Variants in FRAS1 observed in about 807,000 individuals in gnomAD.
The protein encoded by FRAS1 is Fraser extracellular matrix complex subunit 1.
Under a neutral mutation model 435.2 loss-of-function variants are expected in FRAS1, and 290 were observed. That is an observed-to-expected ratio of 0.67 (90% CI 0.61 to 0.73). FRAS1 has a LOEUF of 0.73. FRAS1 is among the 30% of genes least tolerant of loss of function. The pLI, the probability that FRAS1 is intolerant of heterozygous loss-of-function variation, is 0.00. For missense variants in FRAS1, 4,860 were observed against 5,001.5 expected (o/e 0.97, Z 0.85); for synonymous variants, 1,800 against 1,851.0 (o/e 0.97, Z 0.71).
At chr4:78,287,129 G>A (rs189459112) in intron 14 of FRAS1, among the ~76,000 whole-genome samples, 47 of 151,960 alleles carry the variant, frequency 3.1e-4, no homozygotes, top group African/African-American at 4.1e-4. Flanking sequence ...AGCAAGATAC[G>A]TCTTACATGG....
chr4:78,509,622 A>G (rs1473503321), intron 63 of FRAS1, among the ~76,000 whole-genome samples: 1 of 152,232 alleles, frequency 6.6e-6, no homozygotes, highest in Non-Finnish European at 1.5e-5. Context: ...ACATTTGTGC[A>G]GCAGTTGCTG....
chr4:78,512,434 G>C (rs1721069414), intron 64 of FRAS1, among the ~76,000 whole-genome samples: 1 of 152,116 alleles, frequency 6.6e-6, no homozygotes, highest in Non-Finnish European at 1.5e-5. Context: ...ACTTAAAAAT[G>C]TGACTCTTTG....
At position 78,407,670 on chromosome 4, in the gene FRAS1, G is replaced by A; in HGVS notation, c.4137G>A (p.Val1379=). 6.2e-7 allele frequency: 1 copy of A among 1,611,280 alleles called. No individual in the cohort carries two copies. Residue 1379 remains valine, a synonymous_variant, in exon 31 of 74, where the codon GTG becomes GTA. Transcript: ENST00000512123. ...TGGCCTGTGCCTTCCTAGGGGAGGTGGTCCTTCTAGTGAATATGCCTGCAG... is the reference window on the plus strand; with the variant it reads ...TGGCCTGTGCCTTCCTAGGGGAGGTAGTCCTTCTAGTGAATATGCCTGCAG... ...ITQDYPQFGE[V]VLLVNMPADS... is the part of the protein sequence containing the mutation.
At chr4:78,532,730 G>A (rs546612470) in intron 70 of FRAS1, among the ~76,000 whole-genome samples, 2 of 152,182 alleles carry the variant, frequency 1.3e-5, no homozygotes, top group Admixed American at 6.5e-5. Flanking sequence ...AAGTGAAATT[G>A]TGCAGTATTT....
rs530092361 is a variant in FRAS1 at position 78,178,863 on chromosome 4, A to G, written c.109-58647A>G. On this transcript the variant is annotated intron_variant, in intron 2 of 73. Transcript: ENST00000512123. Reference sequence around the variant, plus strand: ...GATTATTTTGGGCTTCAAATAGGATACTGTATGTGGAGTACCTACATAGGG... The same window carrying G: ...GATTATTTTGGGCTTCAAATAGGATGCTGTATGTGGAGTACCTACATAGGG... Among the ~76,000 whole-genome samples, 3 of 152,314 alleles carry G rather than the reference A, an allele frequency of 2.0e-5. No individual in the cohort carries two copies. The South Asian group carries it at 6.2e-4, about 32-fold the overall frequency.
chr4:78,182,081 G>T, intron 2 of FRAS1: 11 of 1,483,954 alleles, frequency 7.4e-6, no homozygotes, highest in Non-Finnish European at 8.1e-6. Flanking sequence ...TCTACGGATT[G>T]CAGCGGGCCG....
intron 2 of FRAS1, among the ~76,000 whole-genome samples, chr4:78,197,113 CT>C (rs1181940524): frequency 6.6e-6 from 1 of 151,886 alleles, no homozygotes. Context: ...ACAGGCAATT[CT>C]TTTTTTTATA....
At chr4:78,150,203 C>T (rs1054165120) in intron 2 of FRAS1, among the ~76,000 whole-genome samples, 3 of 152,162 alleles carry the variant, frequency 2.0e-5, no homozygotes, top group African/African-American at 7.2e-5. Context: ...CTGCAGACTC[C>T]CAAAGGAAAT....
chr4:78,229,391 G>C (rs1724420341), intron 2 of FRAS1, among the ~76,000 whole-genome samples: 1 of 151,868 alleles, frequency 6.6e-6, no homozygotes, highest in Non-Finnish European at 1.5e-5. Flanking sequence ...GAGACATGAG[G>C]TAGTGGAATA....
intron 30 of FRAS1, among the ~76,000 whole-genome samples, chr4:78,405,983 G>A (rs1213805593): frequency 6.6e-6 from 1 of 152,204 alleles, no homozygotes; most frequent in African/African-American, 2.4e-5. Flanking sequence ...GGTGCTTTAG[G>A]TGAAGAACAA....
At chr4:78,498,298 G>A (rs1033183103) in intron 60 of FRAS1, among the ~76,000 whole-genome samples, 10 of 152,074 alleles carry the variant, frequency 6.6e-5, no homozygotes, top group Admixed American at 5.2e-4. Context: ...CCTAAGGTTG[G>A]GAGTTCAAGA....
chr4:78,370,094 T>G, intron 23 of FRAS1, 110 bp downstream of exon 23: 1 of 980,910 alleles, frequency 1.0e-6, no homozygotes. Flanking sequence ...ATATTTTGAC[T>G]GTCTCTGATG....
chr4:78,335,903 G>GTTT (rs3086784), intron 19 of FRAS1, among the ~76,000 whole-genome samples: 8 of 135,058 alleles, frequency 5.9e-5, no homozygotes, highest in South Asian at 2.4e-4. Flanking sequence ...GTGTGTGGTG[G>GTTT]TTTTTTTTTT....
chr4:78,168,309 A>G (rs1378876256), intron 2 of FRAS1, among the ~76,000 whole-genome samples: 1 of 152,008 alleles, frequency 6.6e-6, no homozygotes, highest in Non-Finnish European at 1.5e-5. Flanking sequence ...AGACCAAGAC[A>G]ATGTCTGAAG....
In FRAS1 at chr4:78,364,008, C is replaced by T; in HGVS notation, c.2676C>T (p.Thr892=). 6.2e-7 allele frequency: 1 copy of T among 1,606,228 alleles called. No homozygotes were observed. Among genetic ancestry groups the T allele is most frequent in the Non-Finnish European group, 8.5e-7 (1 of 1,176,088 alleles). ...TGTCCCACACTGGCACCTGCAGCAC[C>T]ACCTGCTTCCCTGGGCACTATCTTG... ...LVLSHTGTCS[T]TCFPGHYLDD... Residue 892 remains threonine (T), a synonymous_variant, in exon 22 of 74, where the codon ACC becomes ACT. Coordinates refer to ENST00000512123, the MANE Select transcript of FRAS1 (RefSeq NM_025074.7).
At chr4:78,269,937 C>T (rs189743493) in intron 9 of FRAS1, among the ~76,000 whole-genome samples, 1 of 152,200 alleles carries the variant, frequency 6.6e-6, no homozygotes, top group African/African-American at 2.4e-5. Flanking sequence ...CAGTTTCCCT[C>T]AAAAGAGTGT....
chr4:78,519,422 T>C lies in FRAS1; in HGVS notation c.10481T>C (p.Leu3494Ser), dbSNP rs1460821484. 6.2e-7 allele frequency: 1 copy of C among 1,611,894 alleles called. No homozygotes were observed. The highest frequency in any genetic ancestry group is 1.1e-5 in the South Asian group (1 of 90,768). Residue 3494 changes from leucine to serine, a missense_variant, in exon 67 of 74, where the codon TTG (leucine) becomes TCG (serine). Leu to Ser is a moderately radical substitution (Grantham distance 145). Coordinates refer to ENST00000512123, the MANE Select transcript of FRAS1 (RefSeq NM_025074.7). ...ACAGCCCCCAGGGGCTGGGCCTCCTTGGAGCACCACACCGAGATGGAGTTT... is the reference window on the plus strand; with the variant it reads ...ACAGCCCCCAGGGGCTGGGCCTCCTCGGAGCACCACACCGAGATGGAGTTT... ...YVTAPRGWASLEHHTEMEFSF... is the reference protein window; with the variant it reads ...YVTAPRGWASSEHHTEMEFSF...
In FRAS1 at chr4:78,325,627, G is replaced by A. The variant is rs375910786; in HGVS notation, c.2137+6641G>A. ...CTTCTTGCTTTTATAGCATGGGTGT[G>A]CCAGGCTTTGGGGATAGAAAGATGA... On this transcript the variant is annotated intron_variant, in intron 18 of 73. Transcript: ENST00000512123. Among the ~76,000 whole-genome samples the A allele has an allele frequency of 1.6e-3, 248 of 152,310 alleles. 2 individuals are homozygous for A. The highest frequency in any genetic ancestry group is 5.7e-3 in the African/African-American group (235 of 41,564).
At chr4:78,111,630 A>C (rs1742701667) in intron 2 of FRAS1, among the ~76,000 whole-genome samples, 3 of 109,290 alleles carry the variant, frequency 2.7e-5, no homozygotes, top group Admixed American at 9.8e-5. Flanking sequence ...GAGGGATAGC[A>C]TTGGGAGATA....
Sources: gnomAD v4.1 joint callset for allele counts (sites outside exome capture counted in the v4.1 genomes callset) on GRCh38, gnomAD v4.1.1 for gene constraint, MANE v1.5 for transcripts, NCBI Gene and HGNC (gene_info 2026-07-23, HGNC 2026-07-21) for gene names.